Variants in DLGAP1 observed in about 807,000 individuals in gnomAD.
DLGAP1 encodes DLG associated protein 1.
DLGAP1 carries 11 observed loss-of-function variants against 90.8 expected under a neutral mutation model. That is an observed-to-expected ratio of 0.12 (90% CI 0.08 to 0.20). The LOEUF (loss-of-function observed/expected upper bound fraction) is 0.20. Among genes scored for constraint, DLGAP1 ranks in the 10% least tolerant of loss-of-function variants. The probability of loss-of-function intolerance (pLI) is 1.00; values close to 1 mark genes in which losing one functional copy is unlikely to be tolerated. For synonymous variants in DLGAP1, 558 were observed against 540.7 expected (o/e 1.03, Z -0.44); for missense variants, 1,050 against 1,333.8 (o/e 0.79, Z 3.31).
At chr18:3,818,977 G>A (rs2067249672) in intron 4 of DLGAP1, among the ~76,000 whole-genome samples, 2 of 152,044 alleles carry the variant, frequency 1.3e-5, no homozygotes, top group South Asian at 4.2e-4. Context: ...TTTTGGTGCT[G>A]ACATTTCCCC....
intron 1 of DLGAP1, among the ~76,000 whole-genome samples, chr18:4,231,824 T>C (rs1290498506): frequency 6.6e-6 from 1 of 152,178 alleles, no homozygotes; most frequent in African/African-American, 2.4e-5. Flanking sequence ...GGAAAGAATA[T>C]TCATAGAGAA....
intron 3 of DLGAP1, among the ~76,000 whole-genome samples, chr18:3,895,109 G>T (rs2071582928): frequency 6.6e-6 from 1 of 152,076 alleles, no homozygotes; most frequent in African/African-American, 2.4e-5. Context: ...GCCTTTAATC[G>T]TGCAGGTGCT....
intron 1 of DLGAP1, among the ~76,000 whole-genome samples, chr18:4,274,123 T>C (rs2079353244): frequency 6.6e-6 from 1 of 152,074 alleles, no homozygotes; most frequent in Admixed American, 6.5e-5. Context: ...TTTATTTAAC[T>C]CTTCTTTTTT....
intron 1 of DLGAP1, among the ~76,000 whole-genome samples, chr18:4,440,545 G>A (rs2083511274): frequency 6.6e-6 from 1 of 152,038 alleles, no homozygotes; most frequent in Non-Finnish European, 1.5e-5. Flanking sequence ...TCCTTCCTAA[G>A]TCAATTAAAC....
At chr18:3,576,058 C>T (rs1359502905) in intron 8 of DLGAP1, among the ~76,000 whole-genome samples, 4 of 152,140 alleles carry the variant, frequency 2.6e-5, no homozygotes, top group African/African-American at 7.2e-5. Context: ...CTAGCAGCCT[C>T]GAGCCCATCT....
intron 1 of DLGAP1, among the ~76,000 whole-genome samples, chr18:4,378,000 A>G (rs1403370304): frequency 6.6e-6 from 1 of 151,302 alleles, no homozygotes; most frequent in African/African-American, 2.4e-5. Flanking sequence ...AATTAAATCC[A>G]TATTACAGAA....
At chr18:3,892,175 A>AT (rs1187745214) in intron 3 of DLGAP1, among the ~76,000 whole-genome samples, 1 of 149,840 alleles carries the variant, frequency 6.7e-6, no homozygotes, top group East Asian at 2.0e-4. Context: ...ACAGTCTTTC[A>AT]TACTGCTAAG....
chr18:3,829,122 T>A (rs1395761278), intron 4 of DLGAP1, among the ~76,000 whole-genome samples: 1 of 152,246 alleles, frequency 6.6e-6, no homozygotes, highest in Non-Finnish European at 1.5e-5. Context: ...CAGGTCAACC[T>A]GAGTTCAAAT....
intron 1 of DLGAP1, among the ~76,000 whole-genome samples, chr18:4,350,670 C>G (rs983728409): frequency 6.6e-6 from 1 of 152,124 alleles, no homozygotes; most frequent in Non-Finnish European, 1.5e-5. Context: ...CATATTTCCC[C>G]TAGAACTTTA....
intron 5 of DLGAP1, among the ~76,000 whole-genome samples, chr18:3,773,083 G>A (rs2064769861): frequency 6.6e-6 from 1 of 152,112 alleles, no homozygotes; most frequent in Non-Finnish European, 1.5e-5. Flanking sequence ...AGCTCCTTGT[G>A]TATTCTTAGA....
At chr18:4,029,996 T>A (rs1316043550) in intron 2 of DLGAP1, among the ~76,000 whole-genome samples, 1 of 152,142 alleles carries the variant, frequency 6.6e-6, no homozygotes, top group Non-Finnish European at 1.5e-5. Context: ...ATTAAGAAAT[T>A]ATTATTATTT....
chr18:4,185,596 T>A (rs2077279896), intron 1 of DLGAP1, among the ~76,000 whole-genome samples: 1 of 152,186 alleles, frequency 6.6e-6, no homozygotes, highest in South Asian at 2.1e-4. Context: ...TCTTTCTTTT[T>A]TATAGCTGCA....
intron 7 of DLGAP1, among the ~76,000 whole-genome samples, chr18:3,611,114 A>G (rs1423210511): frequency 6.6e-6 from 1 of 151,884 alleles, no homozygotes; most frequent in Non-Finnish European, 1.5e-5. Context: ...CCTGGGCGAT[A>G]GAGCAAGACC....
intron 2 of DLGAP1, among the ~76,000 whole-genome samples, chr18:4,013,062 T>C (rs1561825): frequency 0.28 from 42,596 of 152,036 alleles, 6,405 homozygotes; most frequent in African/African-American, 0.32. Flanking sequence ...TGAAAACTAA[T>C]TGAGTAATAT....
At chr18:4,096,523 C>CTTT (rs879827010) in intron 2 of DLGAP1, among the ~76,000 whole-genome samples, 8 of 145,978 alleles carry the variant, frequency 5.5e-5, no homozygotes, top group African/African-American at 2.0e-4. Flanking sequence ...TTTTGCCATT[C>CTTT]TTTTTTTTTT....
chr18:3,870,844 C>T (rs1233074123), intron 4 of DLGAP1, among the ~76,000 whole-genome samples: 2 of 152,162 alleles, frequency 1.3e-5, no homozygotes, highest in Non-Finnish European at 2.9e-5. Flanking sequence ...TCTATGCATC[C>T]TCCTTTGCTA....
At chr18:4,145,101 G>A (rs2076562816) in intron 2 of DLGAP1, among the ~76,000 whole-genome samples, 1 of 152,082 alleles carries the variant, frequency 6.6e-6, no homozygotes, top group South Asian at 2.1e-4. Flanking sequence ...GGTCTTGGTT[G>A]CCCAATTAAC....
At chr18:4,286,807 G>GA (rs779537695) in intron 1 of DLGAP1, among the ~76,000 whole-genome samples, 3 of 152,124 alleles carry the variant, frequency 2.0e-5, no homozygotes, top group South Asian at 2.1e-4. Context: ...TGTTAGGGAG[G>GA]ATCTTAAAAG....
At chr18:4,182,079 T>A (rs1414227541) in intron 1 of DLGAP1, among the ~76,000 whole-genome samples, 2 of 152,244 alleles carry the variant, frequency 1.3e-5, no homozygotes, top group East Asian at 3.9e-4. Context: ...AAAGACTTGC[T>A]GGTAGCTTGA....
Sources: gnomAD v4.1 joint callset for allele counts (sites outside exome capture counted in the v4.1 genomes callset) on GRCh38, gnomAD v4.1.1 for gene constraint, MANE v1.5 for transcripts, NCBI Gene and HGNC (gene_info 2026-07-23, HGNC 2026-07-21) for gene names.